The following C9orf153 variants were observed in gnomAD, a reference collection of about 807,000 sequenced individuals.
C9orf153 encodes uncharacterized protein C9orf153.
In C9orf153, 10 loss-of-function variants were observed where a neutral mutation model predicts 9.0. The observed-to-expected ratio is 1.11, with a 90% confidence interval of 0.69 to 1.89. The LOEUF is 1.89. Ranked by LOEUF, C9orf153 falls within the 40% of genes most tolerant of loss-of-function variation. C9orf153 has a pLI of 0.00. For synonymous variants in C9orf153, 35 were observed against 37.3 expected (o/e 0.94, Z 0.23); for missense variants, 108 against 111.0 (o/e 0.97, Z 0.12).
intron 3 of C9orf153, among the ~76,000 whole-genome samples, chr9:86,222,401 G>T (rs773857514): frequency 6.6e-6 from 1 of 152,016 alleles, no homozygotes; most frequent in Non-Finnish European, 1.5e-5. Flanking sequence ...GAGGAGAAAA[G>T]GATCCAAAAA....
In C9orf153 at chr9:86,228,881, C is replaced by T. The variant is rs188947537; in HGVS notation, c.66+657G>A. On this transcript the variant is annotated intron_variant, in intron 2 of 3. Coordinates refer to ENST00000339137, the MANE Select transcript of C9orf153 (RefSeq NM_001276366.4). ...CCAGAATGTCAAGAGTCTGCGGCTA[C>T]AGAGGCTACACAAGTGGTCCAGACC... The T allele has an allele frequency of 1.3e-3, 294 of 222,720 alleles. 2 individuals carry two copies. The highest frequency in any genetic ancestry group is 5.9e-3 in the African/African-American group (255 of 43,580). 13.8% of individuals were successfully genotyped at this position (222,720 alleles called of 1,614,324 possible).
At chr9:86,222,692 C>T (rs967745643) in intron 3 of C9orf153, among the ~76,000 whole-genome samples, 1 of 152,102 alleles carries the variant, frequency 6.6e-6, no homozygotes, top group Non-Finnish European at 1.5e-5. Flanking sequence ...GGCTAAATAA[C>T]GCTGAAAACA....
At chr9:86,239,307 A>G (rs995770682) in intron 1 of C9orf153, among the ~76,000 whole-genome samples, 7 of 152,046 alleles carry the variant, frequency 4.6e-5, no homozygotes, top group Non-Finnish European at 7.4e-5. Context: ...TAACAGTTCC[A>G]TCTAGTGGTA....
intron 1 of C9orf153, among the ~76,000 whole-genome samples, chr9:86,232,678 A>AT (rs112159742): frequency 0.036 from 5,489 of 151,630 alleles, 354 homozygotes; most frequent in African/African-American, 0.13. Context: ...TCTAATGTTA[A>AT]TTTTTTCTCT....
At chr9:86,224,894 T>C (rs1203342538) in intron 3 of C9orf153, among the ~76,000 whole-genome samples, 3 of 148,640 alleles carry the variant, frequency 2.0e-5, no homozygotes, top group Non-Finnish European at 4.4e-5. Context: ...TGAGCCAAGA[T>C]TGTGCCACTG....
intron 1 of C9orf153, among the ~76,000 whole-genome samples, chr9:86,245,824 T>G (rs923906236): frequency 1.2e-4 from 19 of 152,308 alleles, no homozygotes; most frequent in African/African-American, 4.3e-4. Context: ...AAAGAAAAGA[T>G]TTATCACAAT....
chr9:86,230,798 A>G lies in C9orf153; in HGVS notation c.-26-1169T>C, dbSNP rs919414197. On this transcript the variant is annotated intron_variant, in intron 1 of 3. Transcript: ENST00000339137. ...AGATACACTATAAGGCATTTTGCAG[A>G]TGGAATTGTGTTTAATTTTTCTGCA... Among the ~76,000 whole-genome samples the G allele has an allele frequency of 3.9e-5, 6 of 152,216 alleles. No individual in the cohort carries two copies. In the South Asian group the frequency reaches 6.2e-4, roughly 16 times the overall value.
At chr9:86,241,824 C>T (rs1374988116) in intron 1 of C9orf153, among the ~76,000 whole-genome samples, 2 of 152,126 alleles carry the variant, frequency 1.3e-5, no homozygotes, top group Non-Finnish European at 2.9e-5. Context: ...CAGGACTTCA[C>T]CATGTTGGTC....
chr9:86,253,961 T>A (rs1409401674), intron 1 of C9orf153, among the ~76,000 whole-genome samples: 1 of 151,890 alleles, frequency 6.6e-6, no homozygotes, highest in African/African-American at 2.4e-5. Flanking sequence ...CATGGTGGCA[T>A]GTGTCTGCAG....
chr9:86,226,388 C>A (rs1004515475), intron 3 of C9orf153, among the ~76,000 whole-genome samples: 2 of 151,918 alleles, frequency 1.3e-5, no homozygotes, highest in Non-Finnish European at 2.9e-5. Flanking sequence ...GTGGCACAAT[C>A]TTGACTCACT....
At chr9:86,257,605 A>G (rs1329277914) in intron 1 of C9orf153, among the ~76,000 whole-genome samples, 1 of 152,044 alleles carries the variant, frequency 6.6e-6, no homozygotes, top group Non-Finnish European at 1.5e-5. Context: ...TTCCCAGGGG[A>G]GCCGCTTGTC....
intron 1 of C9orf153, among the ~76,000 whole-genome samples, chr9:86,241,441 T>A (rs1216666296): frequency 6.6e-6 from 1 of 152,152 alleles, no homozygotes; most frequent in Non-Finnish European, 1.5e-5. Flanking sequence ...GAGATTGTTA[T>A]CAAACTGAAC....
chr9:86,244,157 A>G (rs1318994239), intron 1 of C9orf153, among the ~76,000 whole-genome samples: 1 of 152,230 alleles, frequency 6.6e-6, no homozygotes, highest in African/African-American at 2.4e-5. Context: ...TCAATTACAT[A>G]AAGATAATAT....
At chr9:86,259,309 G>A (rs777470980) in intron 1 of C9orf153, among the ~76,000 whole-genome samples, 3 of 152,176 alleles carry the variant, frequency 2.0e-5, no homozygotes, top group Non-Finnish European at 2.9e-5. Context: ...GAGGGAGTCT[G>A]CAGGCTCGGC....
intron 3 of C9orf153, among the ~76,000 whole-genome samples, chr9:86,222,304 G>A (rs1044444493): frequency 5.9e-5 from 9 of 152,084 alleles, no homozygotes; most frequent in East Asian, 1.9e-4. Context: ...GCAGAGCCCC[G>A]GCAGGTGGAC....
intron 1 of C9orf153, among the ~76,000 whole-genome samples, chr9:86,231,700 T>C (rs1824474710): frequency 6.6e-6 from 1 of 151,988 alleles, no homozygotes; most frequent in African/African-American, 2.4e-5. Context: ...GATCACTATA[T>C]TGATATACAG....
intron 1 of C9orf153, among the ~76,000 whole-genome samples, chr9:86,255,219 CA>C: frequency 6.6e-6 from 1 of 152,290 alleles, no homozygotes; most frequent in South Asian, 2.1e-4. Context: ...CCAAAGCCAT[CA>C]ACATGGCTTT....
chr9:86,235,622 G>C (rs1191614263), intron 1 of C9orf153, among the ~76,000 whole-genome samples: 1 of 151,200 alleles, frequency 6.6e-6, no homozygotes, highest in East Asian at 1.9e-4. Context: ...AGGCGTGGAG[G>C]CATGTGCTAC....
At chr9:86,231,171 A>T (rs760239140) in intron 1 of C9orf153, among the ~76,000 whole-genome samples, 11 of 152,178 alleles carry the variant, frequency 7.2e-5, no homozygotes, top group Non-Finnish European at 1.6e-4. Context: ...AGCATAAGCA[A>T]CCTCAGCCAA....
Sources: gnomAD v4.1 joint callset for allele counts (sites outside exome capture counted in the v4.1 genomes callset) on GRCh38, gnomAD v4.1.1 for gene constraint, MANE v1.5 for transcripts, NCBI Gene and HGNC (gene_info 2026-07-23, HGNC 2026-07-21) for gene names.